The following DYM variants were observed in gnomAD, a reference collection of about 807,000 sequenced individuals.
DYM encodes the protein dyggve-Melchior-Clausen syndrome protein.
A neutral mutation model predicts 93.1 loss-of-function variants in DYM; 78 were observed. That is an observed-to-expected ratio of 0.84 (90% CI 0.70 to 1.01). DYM has a LOEUF of 1.01. DYM is among the 50% of genes least tolerant of loss of function. The pLI is 0.00. For synonymous variants in DYM, 321 were observed against 319.7 expected, an observed-to-expected ratio of 1.00 and a Z score of -0.04; for missense variants, 789 against 845.0, an observed-to-expected ratio of 0.93 and a Z score of 0.82.
chr18:49,089,728 G>C (rs1419627952), intron 17 of DYM, among the ~76,000 whole-genome samples: 2 of 152,168 alleles, frequency 1.3e-5, no homozygotes, highest in Non-Finnish European at 2.9e-5. Flanking sequence ...GAGTGCTCCA[G>C]GTGACTGTTC....
chr18:49,315,591 G>A (rs1194377269), intron 8 of DYM, among the ~76,000 whole-genome samples: 2 of 152,106 alleles, frequency 1.3e-5, no homozygotes, highest in Non-Finnish European at 2.9e-5. Context: ...GCTCTGCACT[G>A]ACTACATGAA....
At chr18:49,287,008 T>C (rs2059709587) in intron 8 of DYM, among the ~76,000 whole-genome samples, 1 of 152,058 alleles carries the variant, frequency 6.6e-6, no homozygotes, top group African/African-American at 2.4e-5. Context: ...CTAACCAACA[T>C]GGTGAAACCC....
intron 14 of DYM, among the ~76,000 whole-genome samples, chr18:49,193,562 A>G (rs986222538): frequency 2.2e-4 from 34 of 152,250 alleles, no homozygotes; most frequent in Admixed American, 1.4e-3. Context: ...GTTTTAAAAC[A>G]TAAGAGAATA....
chr18:49,222,119 C>A (rs1598737277), intron 13 of DYM, among the ~76,000 whole-genome samples: 2 of 151,918 alleles, frequency 1.3e-5, no homozygotes, highest in East Asian at 3.9e-4. Context: ...AAATCCTAAA[C>A]TTCATTCACT....
intron 2 of DYM, among the ~76,000 whole-genome samples, chr18:49,415,574 C>G (rs1429431420): frequency 6.6e-6 from 1 of 151,828 alleles, no homozygotes; most frequent in Non-Finnish European, 1.5e-5. Flanking sequence ...ATCTAGTGCT[C>G]AGTACACATA....
intron 17 of DYM, among the ~76,000 whole-genome samples, chr18:49,092,695 A>G (rs770102487): frequency 3.9e-5 from 6 of 152,166 alleles, no homozygotes; most frequent in Non-Finnish European, 7.3e-5. Context: ...GATATCGGTG[A>G]TGATGATGAT....
Position 49,415,286 on chromosome 18 carries a change from C to T in DYM, c.140+14969G>A, listed in dbSNP as rs371242728. On this transcript the variant is annotated intron_variant, in intron 2 of 17. Coordinates refer to ENST00000675505, the MANE Select transcript of DYM (RefSeq NM_001353214.3). ...AGTAAGCTGAGATCACACCACTGCA[C>T]TACAGTCTGGGAGACAGAGTGAGAC... Among the ~76,000 whole-genome samples, 63 of 123,132 alleles carry T rather than the reference C, an allele frequency of 5.1e-4. 1 individual carries two copies. In the South Asian group the frequency reaches 0.015, roughly 30 times the overall value. 80.8% of individuals were successfully genotyped at this position (123,132 alleles called of 152,430 possible). A position where few individuals can be genotyped will look rare whatever the true frequency, so the allele number is the denominator to read the frequency against.
At position 49,449,347 on chromosome 18, in the gene DYM, A is replaced by G. The variant is rs566207309; in HGVS notation, c.-54+11051T>C. On this transcript the variant is annotated intron_variant, in intron 1 of 17. Transcript: ENST00000675505. The stretch of plus-strand genomic sequence containing the variant: ...AAGCAACGTTTCCTATAGTAGGCCT[A>G]AAACGAAAAGAGAAAATAGGGAAGG... 8.5e-5 allele frequency among the ~76,000 whole-genome samples: 13 copies of G among 152,368 alleles called. 1 individual carries two copies. The South Asian group carries it at 2.3e-3, about 27-fold the overall frequency.
intron 8 of DYM, among the ~76,000 whole-genome samples, chr18:49,320,367 AAT>A (rs1303128906): frequency 1.3e-5 from 2 of 152,330 alleles, no homozygotes; most frequent in African/African-American, 2.4e-5. Context: ...TATTTGTGAT[AAT>A]ATCTCTATCC....
intron 15 of DYM, among the ~76,000 whole-genome samples, chr18:49,143,704 G>C (rs980533170): frequency 4.0e-4 from 61 of 152,220 alleles, no homozygotes; most frequent in African/African-American, 1.3e-3. Flanking sequence ...TGAGTATACA[G>C]TTCAGTGACG....
chr18:49,174,516 G>A (rs930733107), intron 14 of DYM, among the ~76,000 whole-genome samples: 1 of 152,024 alleles, frequency 6.6e-6, no homozygotes, highest in Non-Finnish European at 1.5e-5. Context: ...TATTAATTAT[G>A]ATGGCTATTT....
chr18:49,228,324 A>G (rs2093599862), intron 13 of DYM, among the ~76,000 whole-genome samples: 1 of 152,298 alleles, frequency 6.6e-6, no homozygotes, highest in Non-Finnish European at 1.5e-5. Flanking sequence ...AACCATAAAC[A>G]TAAAATTACT....
At chr18:49,315,286 ATT>A (rs2061856179) in intron 8 of DYM, among the ~76,000 whole-genome samples, 1 of 152,272 alleles carries the variant, frequency 6.6e-6, no homozygotes, top group African/African-American at 2.4e-5. Context: ...GGTTCCATAA[ATT>A]TAAATTCCCA....
intron 8 of DYM, among the ~76,000 whole-genome samples, chr18:49,330,828 C>T (rs755589343): frequency 7.2e-5 from 11 of 152,194 alleles, no homozygotes; most frequent in Non-Finnish European, 1.3e-4. Flanking sequence ...GTGTGGCACT[C>T]TTGGCAGGCT....
intron 8 of DYM, among the ~76,000 whole-genome samples, 186 bp downstream of exon 8, chr18:49,331,678 C>T (rs753284659): frequency 6.6e-5 from 10 of 152,184 alleles, no homozygotes; most frequent in Non-Finnish European, 1.2e-4. Context: ...TATTTGCATA[C>T]ATTTTACATA....
rs35559696 is a variant in DYM at position 49,267,200 on chromosome 18, TAAA to T, written c.1251+4975_1251+4977del. On this transcript the variant is annotated intron_variant, in intron 11 of 17. Coordinates refer to ENST00000675505, the MANE Select transcript of DYM (RefSeq NM_001353214.3). ...GTACAGACATTAAAAGGTAACTTTT[TAAA>T]AAAAAAAAAGAAGAGGTAATAAGAG... Among the ~76,000 whole-genome samples the T allele has an allele frequency of 3.7e-3, 552 of 149,206 alleles. 1 individual carries two copies. Among genetic ancestry groups the T allele is most frequent in the Non-Finnish European group, 5.6e-3 (374 of 67,358 alleles).
chr18:49,107,049 G>T (rs111654473), intron 16 of DYM, among the ~76,000 whole-genome samples: 1 of 152,344 alleles, frequency 6.6e-6, no homozygotes, highest in African/African-American at 2.4e-5. Context: ...ACACCAATCA[G>T]ACGTAGATTC....
chr18:49,103,447 T>C (rs973191402), intron 16 of DYM, among the ~76,000 whole-genome samples: 1 of 152,244 alleles, frequency 6.6e-6, no homozygotes, highest in African/African-American at 2.4e-5. Context: ...TTAGCTTTTG[T>C]TGCCATTGCT....
chr18:49,321,180 A>G (rs927749967), intron 8 of DYM: 7 of 390,498 alleles, frequency 1.8e-5, no homozygotes, highest in African/African-American at 1.2e-4. Context: ...TTTAAATTCT[A>G]CAATTTACAA....
Sources: allele counts gnomAD v4.1 joint callset (sites outside exome capture counted in the v4.1 genomes callset), GRCh38; gene constraint gnomAD v4.1.1; transcripts MANE v1.5; gene names NCBI Gene and HGNC (gene_info 2026-07-23, HGNC 2026-07-21).